RARB: variants seen among roughly 807,000 people sequenced by gnomAD.
The protein encoded by RARB is HBV-activated protein.
Under a neutral mutation model 51.9 loss-of-function variants are expected in RARB, and 17 were observed. The observed-to-expected ratio is 0.33, with a 90% CI of 0.22 to 0.49. RARB has a LOEUF of 0.49. Ranked by LOEUF, RARB falls within the 20% of genes least tolerant of loss-of-function variation. The pLI, the probability that RARB is intolerant of heterozygous loss-of-function variation, is 0.99. For synonymous variants in RARB, 215 were observed against 195.4 expected, an observed-to-expected ratio of 1.10 and a Z score of -0.84; for missense variants, 369 against 550.8, an observed-to-expected ratio of 0.67 and a Z score of 3.30.
At chr3:25,297,493 T>C (rs1703943821) in intron 5 of RARB, among the ~76,000 whole-genome samples, 1 of 142,092 alleles carries the variant, frequency 7.0e-6, no homozygotes. Context: ...TCCTGCTTCC[T>C]CCACAGAGAT....
intron 2 of RARB, among the ~76,000 whole-genome samples, chr3:24,890,009 G>T (rs919606764): frequency 6.6e-6 from 1 of 151,744 alleles, no homozygotes; most frequent in South Asian, 2.1e-4. Flanking sequence ...ATTCTAATGC[G>T]ATCAGCAGTA....
intron 2 of RARB, among the ~76,000 whole-genome samples, chr3:24,908,663 G>GTTTTTTTTTT (rs59008287): frequency 2.1e-5 from 2 of 93,452 alleles, no homozygotes; most frequent in Non-Finnish European, 4.1e-5. Context: ...AACCACAACT[G>GTTTTTTTTTT]TTTTTTTTTT....
intron 2 of RARB, among the ~76,000 whole-genome samples, chr3:24,893,963 G>A (rs1703434157): frequency 6.6e-6 from 1 of 152,154 alleles, no homozygotes; most frequent in Admixed American, 6.5e-5. Context: ...ATACAAGCCT[G>A]TGCTTTTATT....
chr3:24,917,350 ATACAT>A (rs1323006617), intron 2 of RARB, among the ~76,000 whole-genome samples: 1 of 152,250 alleles, frequency 6.6e-6, no homozygotes, highest in African/African-American at 2.4e-5. Flanking sequence ...ATGTTTCAAA[ATACAT>A]TAAGTAAAAA....
At chr3:25,178,717 T>C (rs1700804865) in intron 5 of RARB, among the ~76,000 whole-genome samples, 3 of 152,174 alleles carry the variant, frequency 2.0e-5, no homozygotes, top group Non-Finnish European at 4.4e-5. Flanking sequence ...GAAGCCACTA[T>C]CAGTTTTCGT....
intron 5 of RARB, among the ~76,000 whole-genome samples, chr3:25,258,171 G>A (rs1463304716): frequency 6.6e-6 from 1 of 152,058 alleles, no homozygotes; most frequent in Non-Finnish European, 1.5e-5. Flanking sequence ...TTAGGACTGA[G>A]GAACCTCTGA....
At chr3:25,359,005 A>G (rs1705839974) in intron 5 of RARB, among the ~76,000 whole-genome samples, 1 of 151,930 alleles carries the variant, frequency 6.6e-6, no homozygotes. Flanking sequence ...AAAATGAGTT[A>G]GAGAGGAGTC....
At position 24,871,287 on chromosome 3, in the gene RARB, G is replaced by T. The variant is rs138893923; in HGVS notation, c.-380+12535G>T. On this transcript the variant is annotated intron_variant, in intron 2 of 11. Transcript: ENST00000383772. ...TTGTTGATGTTAATGTCTTTTTAAA[G>T]AATATATATTGAGACGACATAGTTT... Among the ~76,000 whole-genome samples the T allele has an allele frequency of 2.1e-4, 32 of 152,200 alleles. 1 individual carries two copies. In the East Asian group the frequency reaches 6.2e-3, roughly 29 times the overall value.
At chr3:24,976,804 C>T (rs1575100956) in intron 2 of RARB, among the ~76,000 whole-genome samples, 1 of 152,098 alleles carries the variant, frequency 6.6e-6, no homozygotes, top group East Asian at 1.9e-4. Context: ...GCTGCCATTG[C>T]TTTTTGTGTT....
chr3:25,497,179 C>G (rs1363355072), intron 2 of RARB, among the ~76,000 whole-genome samples: 1 of 152,192 alleles, frequency 6.6e-6, no homozygotes, highest in African/African-American at 2.4e-5. Context: ...GCCACCGCGC[C>G]TGGCCGAAAA....
At chr3:25,495,223 A>G (rs1425328710) in intron 2 of RARB, among the ~76,000 whole-genome samples, 1 of 152,192 alleles carries the variant, frequency 6.6e-6, no homozygotes, top group Non-Finnish European at 1.5e-5. Context: ...AAAAAAATCT[A>G]AAGCAATAGT....
At chr3:25,512,520 G>A (rs546485176) in intron 3 of RARB, among the ~76,000 whole-genome samples, 11 of 152,344 alleles carry the variant, frequency 7.2e-5, no homozygotes, top group African/African-American at 2.6e-4. Flanking sequence ...CTGATCTCTT[G>A]TCATGTGCCC....
chr3:25,350,249 C>G (rs1229875424), intron 5 of RARB, among the ~76,000 whole-genome samples: 1 of 152,170 alleles, frequency 6.6e-6, no homozygotes, highest in African/African-American at 2.4e-5. Flanking sequence ...TGGAGCCCAC[C>G]AAAGCAACCG....
chr3:24,831,613 A>C (rs1316498956), intron 1 of RARB, among the ~76,000 whole-genome samples: 1 of 151,872 alleles, frequency 6.6e-6, no homozygotes. Context: ...TTCTTGGACA[A>C]AAAAAAATAC....
At chr3:25,217,153 T>C (rs755830942) in intron 5 of RARB, among the ~76,000 whole-genome samples, 9 of 152,334 alleles carry the variant, frequency 5.9e-5, no homozygotes, top group South Asian at 2.1e-4. Flanking sequence ...TATTAGAATT[T>C]ATTTCTATAC....
At position 24,912,972 on chromosome 3, in the gene RARB, A is replaced by ATTTTTTTTTTTTT. The variant is rs71622787; in HGVS notation, c.-380+54222_-380+54223insTTTTTTTTTTTTT. 6.1e-4 allele frequency among the ~76,000 whole-genome samples: 35 copies of ATTTTTTTTTTTTT among 57,640 alleles called. 4 individuals carry two copies. The Admixed American group carries it at 6.5e-3, about 11-fold the overall frequency. 37.8% of individuals were successfully genotyped at this position (57,640 alleles called of 152,430 possible). A position where few individuals can be genotyped will look rare whatever the true frequency, so the allele number is the denominator to read the frequency against. ...GTGGCAATACGCACACAAGGTACTG[A>ATTTTTTTTTTTTT]TTCTTTTTTTTTTTTTTTTTTTTTT... On this transcript the variant is annotated intron_variant, in intron 2 of 11. Transcript: ENST00000383772.
At chr3:25,071,821 G>A (rs565877377) in intron 3 of RARB, among the ~76,000 whole-genome samples, 27 of 152,296 alleles carry the variant, frequency 1.8e-4, no homozygotes, top group African/African-American at 6.5e-4. Flanking sequence ...AACATGCCCA[G>A]TGTGCTAATA....
At chr3:24,974,065 C>T (rs972430039) in intron 2 of RARB, among the ~76,000 whole-genome samples, 2 of 151,958 alleles carry the variant, frequency 1.3e-5, no homozygotes, top group Non-Finnish European at 2.9e-5. Flanking sequence ...TTTCCCTGTA[C>T]AATATGATGG....
At chr3:25,572,270 T>G (rs539491829) in intron 4 of RARB, among the ~76,000 whole-genome samples, 1 of 152,286 alleles carries the variant, frequency 6.6e-6, no homozygotes, top group South Asian at 2.1e-4. Context: ...CAGTAATTGA[T>G]GGTTGTGGTC....
Sources: gnomAD v4.1 joint callset for allele counts (sites outside exome capture counted in the v4.1 genomes callset) on GRCh38, gnomAD v4.1.1 for gene constraint, MANE v1.5 for transcripts, NCBI Gene and HGNC (gene_info 2026-07-23, HGNC 2026-07-21) for gene names.